The following ZMYND12 variants were observed in gnomAD, a reference collection of about 807,000 sequenced individuals.
ZMYND12 encodes zinc finger MYND domain-containing protein 12.
A neutral mutation model predicts 41.7 loss-of-function variants in ZMYND12; 32 were observed. The ratio of observed to expected loss-of-function variants is 0.77; its 90% CI spans 0.58 to 1.03. The LOEUF is 1.03. Ranked by LOEUF, ZMYND12 falls within the 50% of genes least tolerant of loss-of-function variation. The pLI, the probability that ZMYND12 is intolerant of heterozygous loss-of-function variation, is 0.00. For synonymous variants in ZMYND12, 148 were observed against 164.8 expected (o/e 0.90, Z 0.78); for missense variants, 424 against 438.5 (o/e 0.97, Z 0.30).
chr1:42,435,457 G>A (rs1036432641), intron 5 of ZMYND12, 72 bp from the exon 6 acceptor site: 1 of 1,201,238 alleles, frequency 8.3e-7, no homozygotes. Flanking sequence ...GGTGAGGAGA[G>A]TAGCGCATTT....
Position 42,448,629 on chromosome 1 carries a change from T to C in ZMYND12, c.262A>G (p.Ile88Val), listed in dbSNP as rs761725381. 1.9e-6 allele frequency: 3 copies of C among 1,609,134 alleles called. No homozygotes were observed. Among genetic ancestry groups the C allele is most frequent in the Non-Finnish European group, 2.5e-6 (3 of 1,177,514 alleles). Residue 88 changes from isoleucine to valine, a missense_variant, in exon 3 of 8, where the codon ATT (isoleucine) becomes GTT (valine). Physicochemically the swap from Ile to Val is conservative, Grantham distance 29. Transcript: ENST00000372565. Reference sequence around the variant, plus strand: ...TGGGCTATGGTGTAGCAGAATTCAATCAAATACTTCTGTGGAAGAGAGAAA... The same window carrying C: ...TGGGCTATGGTGTAGCAGAATTCAACCAAATACTTCTGTGGAAGAGAGAAA... Reference protein sequence around the residue: ...QQLQQRQKYLIEFCYTIAQKY... With the variant: ...QQLQQRQKYLVEFCYTIAQKY...
rs764047749 is a variant in ZMYND12, at chr1:42,430,774, A to G, written c.1060T>C (p.Leu354=). Residue 354 remains leucine, a synonymous_variant, in exon 8 of 8, where the codon TTA becomes CTA. Transcript: ENST00000372565. The part of the protein sequence containing the change: ...VHEQSTIQEL[L]SLISTEDHPI... ...TGGTCTTCAGTTGAAATGAGACTTA[A>G]TAACTCTTGAATGGTGCTTTGCTCA... 1 of 1,614,158 alleles carries G rather than the reference A, an allele frequency of 6.2e-7. No homozygotes were observed. Among genetic ancestry groups the G allele is most frequent in the Non-Finnish European group, 8.5e-7 (1 of 1,180,020 alleles).
chr1:42,455,251 G>C (rs183393100), intron 1 of ZMYND12, among the ~76,000 whole-genome samples: 56 of 152,266 alleles, frequency 3.7e-4, no homozygotes, highest in Non-Finnish European at 5.6e-4. Flanking sequence ...CAGCTCAAAT[G>C]TTTCTTCCAC....
intron 4 of ZMYND12, among the ~76,000 whole-genome samples, chr1:42,439,252 A>C (rs1642940154): frequency 6.7e-6 from 1 of 150,174 alleles, no homozygotes; most frequent in Admixed American, 6.7e-5. Flanking sequence ...GACTAGAAGC[A>C]AAGCCCTTCT....
chr1:42,436,750 T>A (rs1040435155), intron 4 of ZMYND12, among the ~76,000 whole-genome samples: 3 of 151,308 alleles, frequency 2.0e-5, no homozygotes, highest in Non-Finnish European at 4.4e-5. Flanking sequence ...ATTAGGTAAA[T>A]GCAAAACAAA....
chr1:42,446,150 A>G (rs1396455714), intron 3 of ZMYND12, among the ~76,000 whole-genome samples: 1 of 152,110 alleles, frequency 6.6e-6, no homozygotes. Context: ...GAGCGGGAAG[A>G]GGTATCTATA....
chr1:42,450,727 T>A (rs1194123901), intron 1 of ZMYND12, among the ~76,000 whole-genome samples: 1 of 152,336 alleles, frequency 6.6e-6, no homozygotes, highest in Middle Eastern at 3.4e-3. Flanking sequence ...ATATGAGTAC[T>A]AAATTCATAC....
In ZMYND12 at chr1:42,444,952, C is replaced by T. The variant is rs939338044; in HGVS notation, c.424+3515G>A. ...CCTCCAGAGTAGTTGGGACTACAGGCACCCGCCACCACGCCCGGCTAATTT... is the reference window on the plus strand; with the variant it reads ...CCTCCAGAGTAGTTGGGACTACAGGTACCCGCCACCACGCCCGGCTAATTT... On this transcript the variant is annotated intron_variant, in intron 3 of 7. Transcript: ENST00000372565. 4.1e-4 allele frequency among the ~76,000 whole-genome samples: 62 copies of T among 151,048 alleles called. 1 individual carries two copies. The highest frequency in any genetic ancestry group is 1.2e-4 in the Non-Finnish European group (8 of 67,732).
At chr1:42,437,536 CAG>C (rs1436255094) in intron 4 of ZMYND12, among the ~76,000 whole-genome samples, 1 of 144,184 alleles carries the variant, frequency 6.9e-6, no homozygotes, top group Non-Finnish European at 1.5e-5. Context: ...TTTTTAAAGA[CAG>C]AGTCTCCCTC....
chr1:42,455,977 C>T lies in ZMYND12; in HGVS notation c.21G>A (p.Leu7=), dbSNP rs767859654. MNVIYP[L]AVPKGRRLCC... Reference sequence around the variant, plus strand: ...AGAGTCTGCGCCCCTTGGGGACTGCCAGTGGGTAGATCACATTCATGGTGC... The same window carrying T: ...AGAGTCTGCGCCCCTTGGGGACTGCTAGTGGGTAGATCACATTCATGGTGC... Residue 7 remains leucine (L), a synonymous_variant, in exon 1 of 8, where the codon CTG becomes CTA. Transcript: ENST00000372565. 2 of 1,612,978 alleles carry T rather than the reference C, an allele frequency of 1.2e-6. No individual in the cohort carries two copies. Among genetic ancestry groups the T allele is most frequent in the Non-Finnish European group, 8.5e-7 (1 of 1,179,972 alleles).
At chr1:42,446,061 T>A (rs1643020803) in intron 3 of ZMYND12, among the ~76,000 whole-genome samples, 1 of 152,104 alleles carries the variant, frequency 6.6e-6, no homozygotes, top group Non-Finnish European at 1.5e-5. Context: ...AACAGCCTGT[T>A]ATGGGGAGTT....
intron 5 of ZMYND12, among the ~76,000 whole-genome samples, chr1:42,436,108 A>G (rs1481239358): frequency 6.6e-6 from 1 of 152,220 alleles, no homozygotes; most frequent in Non-Finnish European, 1.5e-5. Context: ...ATAAGCCCAC[A>G]TTAGCTTGCT....
intron 7 of ZMYND12, among the ~76,000 whole-genome samples, chr1:42,431,355 A>G (rs1477712208): frequency 6.6e-6 from 1 of 152,186 alleles, no homozygotes; most frequent in East Asian, 1.9e-4. Context: ...AGAAATTCCT[A>G]TTCTCATGGA....
chr1:42,437,196 C>A (rs1241701758), intron 4 of ZMYND12, among the ~76,000 whole-genome samples: 1 of 152,036 alleles, frequency 6.6e-6, no homozygotes, highest in African/African-American at 2.4e-5. Context: ...ATGCAAAGGA[C>A]CACACATGAT....
chr1:42,442,688 C>A (rs1642983738), intron 3 of ZMYND12, among the ~76,000 whole-genome samples: 1 of 152,270 alleles, frequency 6.6e-6, no homozygotes, highest in East Asian at 1.9e-4. Flanking sequence ...CATAAGCCAA[C>A]CCTCTGCTCC....
At position 42,449,877 on chromosome 1, in the gene ZMYND12, C is replaced by G. The variant is rs374964807; in HGVS notation, c.252+41G>C. 85 of 1,601,792 alleles carry G rather than the reference C, an allele frequency of 5.3e-5. No homozygotes were observed. The African/African-American group carries it at 9.1e-4, about 17-fold the overall frequency. ...CGAGCCTTGTCTTGGGCAGCTTCACCGCACCTACGACTTAACCTTGGAAAG... is the reference window on the plus strand; with the variant it reads ...CGAGCCTTGTCTTGGGCAGCTTCACGGCACCTACGACTTAACCTTGGAAAG... On this transcript the variant is annotated intron_variant, in intron 2 of 7. Transcript: ENST00000372565.
In ZMYND12 at chr1:42,436,408, T is replaced by G. The variant is rs1364652770; in HGVS notation, c.717+13A>C. On this transcript the variant is annotated intron_variant, in intron 5 of 7. Transcript: ENST00000372565. ...TAAGAGTGAAGGCTCAGCTCCCACA[T>G]TCCCCAGCTCACCTTGGTGTACAAT... The G allele has an allele frequency of 6.2e-7, 1 of 1,612,284 alleles. No homozygotes were observed. The highest frequency in any genetic ancestry group is 1.7e-5 in the Admixed American group (1 of 59,996).
chr1:42,446,436 T>C (rs1643024816), intron 3 of ZMYND12, among the ~76,000 whole-genome samples: 1 of 152,002 alleles, frequency 6.6e-6, no homozygotes, highest in Non-Finnish European at 1.5e-5. Flanking sequence ...AGCAGGTGGA[T>C]CACTTGAGGA....
rs572794187 is a variant in ZMYND12, at chr1:42,444,844, AC to A, written c.424+3622del. Among the ~76,000 whole-genome samples the A allele has an allele frequency of 1.7e-3, 221 of 130,040 alleles. 1 individual carries two copies. Among genetic ancestry groups the A allele is most frequent in the African/African-American group, 6.6e-3 (215 of 32,816 alleles). The allele number at this position is 130,040 out of a possible 152,430, so 85.3% of individuals were successfully genotyped here. The stretch of plus-strand genomic sequence containing the variant: ...TTTTGAGACGGAGTCTCGCTCTGTC[AC>A]CCAGGCTGGAGTGCAGTAGTGGTGC... On this transcript the variant is annotated intron_variant, in intron 3 of 7. Coordinates refer to ENST00000372565, the MANE Select transcript of ZMYND12 (RefSeq NM_032257.5).
Sources: gnomAD v4.1 joint callset for allele counts (sites outside exome capture counted in the v4.1 genomes callset) on GRCh38, gnomAD v4.1.1 for gene constraint, MANE v1.5 for transcripts, NCBI Gene and HGNC (gene_info 2026-07-23, HGNC 2026-07-21) for gene names.